The following FGF14 variants were observed in gnomAD, a reference collection of about 807,000 sequenced individuals.
FGF14 encodes fibroblast growth factor homologous factor 4.
In FGF14, 5 loss-of-function variants were observed where a neutral mutation model predicts 25.5. The observed-to-expected ratio is 0.20, with a 90% CI of 0.10 to 0.41. The LOEUF (loss-of-function observed/expected upper bound fraction) is 0.41, where lower values mean the gene tolerates loss of function less well. Ranked by LOEUF, FGF14 falls within the 10% of genes least tolerant of loss-of-function variation. The pLI is 1.00. For missense variants in FGF14, 222 were observed against 320.1 expected (o/e 0.69, Z 2.34); for synonymous variants, 138 against 118.3 (o/e 1.17, Z -1.08).
At chr13:101,802,796 G>A (rs547100328) in intron 3 of FGF14, among the ~76,000 whole-genome samples, 1 of 152,324 alleles carries the variant, frequency 6.6e-6, no homozygotes, top group East Asian at 1.9e-4. Flanking sequence ...GTAAGGTGAT[G>A]TTTACTATTT....
At chr13:102,298,131 T>C (rs942312248) in intron 1 of FGF14, among the ~76,000 whole-genome samples, 4 of 152,170 alleles carry the variant, frequency 2.6e-5, no homozygotes, top group Admixed American at 2.6e-4. Flanking sequence ...AGAGTATTTA[T>C]TTAAGTACAT....
At chr13:102,208,466 T>C (rs1199346299) in intron 1 of FGF14, among the ~76,000 whole-genome samples, 1 of 152,200 alleles carries the variant, frequency 6.6e-6, no homozygotes, top group Non-Finnish European at 1.5e-5. Flanking sequence ...TATCAGTTTA[T>C]CTTGTGAATA....
At chr13:102,331,166 T>C (rs1390192057) in intron 1 of FGF14, among the ~76,000 whole-genome samples, 1 of 152,204 alleles carries the variant, frequency 6.6e-6, no homozygotes, top group East Asian at 1.9e-4. Context: ...GAAAATTCCT[T>C]GGGACACAGA....
intron 1 of FGF14, among the ~76,000 whole-genome samples, chr13:102,283,313 T>C (rs1292081598): frequency 6.6e-6 from 1 of 152,138 alleles, no homozygotes; most frequent in Non-Finnish European, 1.5e-5. Context: ...GATCTTATGC[T>C]CAGCTGAAAC....
intron 3 of FGF14, among the ~76,000 whole-genome samples, chr13:101,847,526 G>A (rs527451031): frequency 7.2e-5 from 11 of 152,184 alleles, no homozygotes; most frequent in Admixed American, 2.0e-4. Flanking sequence ...GAACATGATC[G>A]TGTGCATGTT....
chr13:102,157,553 C>T (rs1168734390), intron 1 of FGF14, among the ~76,000 whole-genome samples: 43 of 152,228 alleles, frequency 2.8e-4, no homozygotes, highest in East Asian at 1.2e-3. Context: ...ACCATAAAAA[C>T]CCTAGAAGAA....
At chr13:102,022,481 G>A (rs747793433) in intron 1 of FGF14, among the ~76,000 whole-genome samples, 37 of 152,136 alleles carry the variant, frequency 2.4e-4, no homozygotes, top group Admixed American at 8.5e-4. Context: ...TTTTGTTGCT[G>A]TTTTATTTTT....
chr13:102,139,569 G>A (rs575802665), intron 1 of FGF14, among the ~76,000 whole-genome samples: 231 of 152,186 alleles, frequency 1.5e-3, no homozygotes, highest in African/African-American at 5.1e-3. Context: ...TGTCCTATGA[G>A]CAATGCTCCA....
chr13:102,156,852 T>C (rs1219035593), intron 1 of FGF14, among the ~76,000 whole-genome samples: 2 of 152,156 alleles, frequency 1.3e-5, no homozygotes, highest in Non-Finnish European at 2.9e-5. Flanking sequence ...TCACAAGCAT[T>C]CTTATACACC....
chr13:101,772,408 TTAAAC>T (rs60462700), intron 3 of FGF14, among the ~76,000 whole-genome samples: 11,000 of 152,098 alleles, frequency 0.072, 462 homozygotes, highest in African/African-American at 0.089. Context: ...CAGTCTGTCT[TTAAAC>T]TATAGTATCA....
chr13:101,836,425 T>C (rs2042931498), intron 3 of FGF14, among the ~76,000 whole-genome samples: 1 of 151,986 alleles, frequency 6.6e-6, no homozygotes, highest in African/African-American at 2.4e-5. Context: ...GACCAGAATT[T>C]TAAATGTCAG....
chr13:102,305,458 G>A (rs2055324328), intron 1 of FGF14, among the ~76,000 whole-genome samples: 1 of 152,088 alleles, frequency 6.6e-6, no homozygotes, highest in African/African-American at 2.4e-5. Flanking sequence ...CAATACAGAA[G>A]CTTAAAGACA....
chr13:102,380,748 A>C (rs1463126582), intron 1 of FGF14, among the ~76,000 whole-genome samples: 1 of 152,222 alleles, frequency 6.6e-6, no homozygotes. Context: ...ATTACATTTA[A>C]CTTTAAAACT....
chr13:101,974,212 C>T (rs1178536955), intron 1 of FGF14, among the ~76,000 whole-genome samples: 2 of 152,178 alleles, frequency 1.3e-5, no homozygotes, highest in East Asian at 1.9e-4. Context: ...ATCCTCTCTA[C>T]AGTCACACCT....
At chr13:102,123,219 A>G (rs938971039) in intron 1 of FGF14, among the ~76,000 whole-genome samples, 1 of 152,132 alleles carries the variant, frequency 6.6e-6, no homozygotes, top group Non-Finnish European at 1.5e-5. Context: ...TCAAGCCTGG[A>G]ACAGAATTTT....
chr13:101,916,222 G>A (rs1476019405), intron 1 of FGF14, among the ~76,000 whole-genome samples: 3 of 152,232 alleles, frequency 2.0e-5, no homozygotes, highest in Admixed American at 1.3e-4. Context: ...GGCAGGAGCC[G>A]CCGGCGAGGA....
intron 3 of FGF14, among the ~76,000 whole-genome samples, chr13:101,733,372 C>T (rs920072726): frequency 2.6e-5 from 4 of 151,774 alleles, no homozygotes; most frequent in Non-Finnish European, 5.9e-5. Flanking sequence ...CCAAGGCAGG[C>T]GATCATGAGG....
At chr13:102,203,273 C>A (rs531998560) in intron 1 of FGF14, among the ~76,000 whole-genome samples, 5 of 152,306 alleles carry the variant, frequency 3.3e-5, no homozygotes, top group Admixed American at 2.6e-4. Flanking sequence ...CCTCAAAAGA[C>A]AAAAGAGAAT....
intron 1 of FGF14, among the ~76,000 whole-genome samples, chr13:102,267,681 T>G (rs1030465421): frequency 1.3e-5 from 2 of 152,092 alleles, no homozygotes; most frequent in African/African-American, 4.8e-5. Context: ...TAGATCAATA[T>G]AAATGAAAAA....
Sources: allele counts gnomAD v4.1 joint callset (sites outside exome capture counted in the v4.1 genomes callset), GRCh38; gene constraint gnomAD v4.1.1; transcripts MANE v1.5; gene names NCBI Gene and HGNC (gene_info 2026-07-23, HGNC 2026-07-21).